Variants in PDE6B observed in about 807,000 individuals in gnomAD.
The protein encoded by PDE6B is phosphodiesterase 6B, also known as rod cGMP-specific 3',5'-cyclic phosphodiesterase subunit beta.
PDE6B carries 106 observed loss-of-function variants against 109.0 expected under a neutral mutation model. That is an observed-to-expected ratio of 0.97 (90% CI 0.83 to 1.14). The LOEUF is 1.14. Among genes scored for constraint, PDE6B ranks in the 50% most tolerant of loss-of-function variants. PDE6B has a pLI of 0.00. For missense variants in PDE6B, 1,193 were observed against 1,155.6 expected, an observed-to-expected ratio of 1.03 and a Z score of -0.47; for synonymous variants, 490 against 471.3, an observed-to-expected ratio of 1.04 and a Z score of -0.51.
At chr4:632,762 A>G (rs1276608227) in intron 1 of PDE6B, among the ~76,000 whole-genome samples, 1 of 148,336 alleles carries the variant, frequency 6.7e-6, no homozygotes, top group African/African-American at 2.5e-5. Flanking sequence ...TCCATGTGGC[A>G]CCATCTCTGG....
At chr4:651,210 C>T (rs1261202301) in intron 3 of PDE6B, among the ~76,000 whole-genome samples, 4 of 145,890 alleles carry the variant, frequency 2.7e-5, no homozygotes, top group African/African-American at 5.2e-5. Context: ...GGGGCTGAGG[C>T]GGCGATGTCA....
intron 3 of PDE6B, among the ~76,000 whole-genome samples, chr4:641,613 C>T (rs1192398232): frequency 5.9e-5 from 9 of 152,176 alleles, no homozygotes; most frequent in African/African-American, 4.8e-5. Flanking sequence ...ACCACAGCCC[C>T]GCACACAGCC....
intron 3 of PDE6B, among the ~76,000 whole-genome samples, chr4:647,771 A>G (rs1366050421): frequency 6.6e-6 from 1 of 152,014 alleles, no homozygotes; most frequent in African/African-American, 2.4e-5. Flanking sequence ...AACAGACCTC[A>G]GTTTTAAAAG....
intron 1 of PDE6B, among the ~76,000 whole-genome samples, chr4:631,525 G>C (rs990970862): frequency 6.6e-6 from 1 of 151,650 alleles, no homozygotes; most frequent in South Asian, 2.1e-4. Context: ...GTGTGACACC[G>C]TCTGAGGGTT....
chr4:651,019 T>C (rs1007869017), intron 3 of PDE6B, among the ~76,000 whole-genome samples: 5 of 151,880 alleles, frequency 3.3e-5, no homozygotes, highest in Non-Finnish European at 2.9e-5. Context: ...GAGGTGCCGA[T>C]GTCAACGGCA....
rs991145003 is a variant in PDE6B at position 665,178 on chromosome 4, G to A, written c.2194-77G>A. The A allele has an allele frequency of 2.9e-5, 32 of 1,094,870 alleles. No individual in the cohort carries two copies. The highest frequency in any genetic ancestry group is 6.6e-5 in the South Asian group (5 of 75,788). 67.8% of individuals were successfully genotyped at this position (1,094,870 alleles called of 1,614,324 possible). A position where few individuals can be genotyped will look rare whatever the true frequency, so the allele number is the denominator to read the frequency against. Reference sequence around the variant, plus strand: ...TCTGGGGCGGAGAAGACCGAGGCTCGGAGCCTCACGGGGCGGGCCCGGGCC... The same window carrying A: ...TCTGGGGCGGAGAAGACCGAGGCTCAGAGCCTCACGGGGCGGGCCCGGGCC... On this transcript the variant is annotated intron_variant, in intron 18 of 21. Coordinates refer to ENST00000496514, the MANE Select transcript of PDE6B (RefSeq NM_000283.4). This position sits in a 1 kb window ranked among gnomAD's most constrained non-coding sequence, Gnocchi z 4.0.
chr4:630,724 C>A (rs1432217426), intron 1 of PDE6B, among the ~76,000 whole-genome samples: 1 of 152,198 alleles, frequency 6.6e-6, no homozygotes, highest in African/African-American at 2.4e-5. Context: ...AGAACCTCCG[C>A]GGTGGCCAAG....
intron 3 of PDE6B, among the ~76,000 whole-genome samples, chr4:642,742 A>AAAAAC (rs1160539795): frequency 5.9e-5 from 9 of 151,606 alleles, no homozygotes; most frequent in African/African-American, 1.7e-4. Context: ...AAAAAAAAAA[A>AAAAAC]AAAAAAAAGA....
At position 657,443 on chromosome 4, in the gene PDE6B, C is replaced by T. The variant is rs1439824126; in HGVS notation, c.1350C>T (p.Asp450=). ...KLENRKDIAQ[D]MVLYHVKCDR... ...AGAACCGCAAGGACATCGCACAGGA[C>T]ATGGTCCTTTACCACGTGAAGTGCG... is the stretch of plus-strand genomic sequence containing the variant. The change falls in exon 10 of 22, where the codon GAC becomes GAT. Residue 450 remains aspartate, a synonymous_variant. Transcript: ENST00000496514. 1.2e-6 allele frequency: 2 copies of T among 1,613,416 alleles called. No individual in the cohort carries two copies.
In PDE6B at chr4:666,555, G is replaced by C. The variant is rs199521106; in HGVS notation, c.2293G>C (p.Ala765Pro). Reference protein sequence around the residue: ...PIPMMDRNKAAELPKLQVGFI... With the variant: ...PIPMMDRNKAPELPKLQVGFI... ...GCCTATGATGGACCGGAACAAGGCG[G>C]CCGAGCTCCCCAAGCTGCAAGTGGG... Residue 765 changes from alanine (A) to proline (P), a missense_variant, in exon 20 of 22, where the codon GCC (alanine) becomes CCC (proline). By Grantham distance (27) the Ala-to-Pro change is conservative (BLOSUM62 -1). Transcript: ENST00000496514. This position sits in a 1 kb window ranked among gnomAD's most constrained non-coding sequence, Gnocchi z 5.6. 126 of 1,612,976 alleles carry C rather than the reference G, an allele frequency of 7.8e-5. No individual in the cohort carries two copies. In the East Asian group the frequency reaches 2.7e-3, roughly 35 times the overall value.
rs1488638720 is a variant in PDE6B at position 633,861 on chromosome 4, C to T, written c.469-816C>T. Among the ~76,000 whole-genome samples, 2 of 152,254 alleles carry T rather than the reference C, an allele frequency of 1.3e-5. No homozygotes were observed. The highest frequency in any genetic ancestry group is 2.4e-5 in the African/African-American group (1 of 41,548). On this transcript the variant is annotated intron_variant, in intron 1 of 21. Coordinates refer to ENST00000496514, the MANE Select transcript of PDE6B (RefSeq NM_000283.4). The surrounding 1 kb of genome is among the most constrained non-coding windows in gnomAD (Gnocchi z 4.5). ...CTCTGAAGGACAGAATCCCAGTCAC[C>T]GGGGGGTGTCTGGTCTCAGTAACCC...
chr4:635,455 G>A (rs1734627933), intron 2 of PDE6B, among the ~76,000 whole-genome samples: 1 of 107,458 alleles, frequency 9.3e-6, no homozygotes, highest in Non-Finnish European at 1.9e-5. Flanking sequence ...GCCTGCCTGC[G>A]TGTTCTGTGC....
chr4:645,497 G>A (rs1010601015), intron 3 of PDE6B, among the ~76,000 whole-genome samples: 11 of 151,408 alleles, frequency 7.3e-5, no homozygotes, highest in Admixed American at 3.3e-4. Flanking sequence ...GGGTTTCACC[G>A]TGTTAGCCAG....
chr4:670,052 C>T lies in PDE6B; in HGVS notation c.2510C>T (p.Thr837Ile). The change falls in exon 22 of 22, where the codon ACA becomes ATA. Residue 837 changes from threonine to isoleucine, a missense_variant. Physicochemically the swap from Thr to Ile is moderately conservative, Grantham distance 89 (BLOSUM62 -1). Coordinates refer to ENST00000496514, the MANE Select transcript of PDE6B (RefSeq NM_000283.4). ...EERVAAKKVG[T>I]EICNGGPAPK... is the part of the protein sequence containing the mutation. ...CTTCTGTCTTCTCTTGCAGTAGGCA[C>T]AGAAATTTGCAATGGCGGCCCAGCA... is the stretch of plus-strand genomic sequence containing the variant. 1 of 1,612,860 alleles carries T rather than the reference C, an allele frequency of 6.2e-7. No homozygotes were observed. The highest frequency in any genetic ancestry group is 8.5e-7 in the Non-Finnish European group (1 of 1,179,344).
intron 21 of PDE6B, among the ~76,000 whole-genome samples, chr4:668,606 C>T (rs1390434237): frequency 2.2e-5 from 3 of 135,572 alleles, no homozygotes; most frequent in African/African-American, 9.1e-5. Flanking sequence ...CCCGCTACCC[C>T]ATGCTATTCC....
chr4:625,939 G>A lies in PDE6B; in HGVS notation c.313G>A (p.Glu105Lys), dbSNP rs398123299. The change falls in exon 1 of 22, where the codon GAG (glutamate) becomes AAG (lysine). Residue 105 changes from glutamate to lysine, a missense_variant. By Grantham distance (56) the Glu-to-Lys change is moderately conservative. Transcript: ENST00000496514. The surrounding 1 kb of genome is among the most constrained non-coding windows in gnomAD (Gnocchi z 5.0). ...GTACCGCCAGCGCAACGGCGTGGCC[G>A]AGCTGGCCACCAGGCTTTTCAGCGT... ...FMYRQRNGVA[E>K]LATRLFSVQP... The A allele has an allele frequency of 8.8e-6, 14 of 1,591,684 alleles. No individual in the cohort carries two copies. The highest frequency in any genetic ancestry group is 4.0e-5 in the African/African-American group (3 of 74,496).
In PDE6B at chr4:636,937, C is replaced by T. The variant is rs1290092904; in HGVS notation, c.711+968C>T. Reference sequence around the variant, plus strand: ...TCTCAGCCCCAATCCAAGCAGGCCTCTCACGGCCAGGGCCGTGGGAACCAG... The same window carrying T: ...TCTCAGCCCCAATCCAAGCAGGCCTTTCACGGCCAGGGCCGTGGGAACCAG... On this transcript the variant is annotated intron_variant, in intron 3 of 21. Coordinates refer to ENST00000496514, the MANE Select transcript of PDE6B (RefSeq NM_000283.4). This position sits in a 1 kb window ranked among gnomAD's most constrained non-coding sequence, Gnocchi z 4.5. 3.3e-5 allele frequency among the ~76,000 whole-genome samples: 5 copies of T among 152,236 alleles called. No individual in the cohort carries two copies. The highest frequency in any genetic ancestry group is 3.3e-4 in the Admixed American group (5 of 15,292).
intron 3 of PDE6B, among the ~76,000 whole-genome samples, chr4:647,360 C>G (rs1479171937): frequency 2.0e-5 from 3 of 152,020 alleles, no homozygotes; most frequent in Admixed American, 2.0e-4. Context: ...GGGAGCTGGG[C>G]TGTATTGAAT....
chr4:646,733 G>T (rs752421121), intron 3 of PDE6B, among the ~76,000 whole-genome samples: 1 of 152,024 alleles, frequency 6.6e-6, no homozygotes, highest in Non-Finnish European at 1.5e-5. Flanking sequence ...TTTCCACCTC[G>T]CATTTCCTGT....
Sources: gnomAD v4.1 joint callset for allele counts (sites outside exome capture counted in the v4.1 genomes callset) on GRCh38, gnomAD v4.1.1 for gene constraint, Gnocchi (gnomAD v3.1) non-coding constraint, MANE v1.5 for transcripts, NCBI Gene and HGNC (gene_info 2026-07-23, HGNC 2026-07-21) for gene names.